The following SVIL variants were observed in gnomAD, a reference collection of about 807,000 sequenced individuals.
SVIL encodes supervillin.
SVIL carries 101 observed loss-of-function variants against 240.4 expected under a neutral mutation model. The observed-to-expected ratio is 0.42, with a 90% CI of 0.36 to 0.50. SVIL has a LOEUF of 0.50. Among genes scored for constraint, SVIL ranks in the 20% least tolerant of loss-of-function variants. The pLI is 0.01. For synonymous variants in SVIL, 999 were observed against 1,100.0 expected, an observed-to-expected ratio of 0.91 and a Z score of 1.82; for missense variants, 2,512 against 2,818.7, an observed-to-expected ratio of 0.89 and a Z score of 2.46.
chr10:29,637,088 T>C, upstream of SVIL, among the ~76,000 whole-genome samples: 1 of 152,136 alleles, frequency 6.6e-6, no homozygotes, highest in South Asian at 2.1e-4. Context: ...GGATTACAGG[T>C]GTGAGCCACC....
rs1414765083 is a variant in SVIL at position 29,484,170 on chromosome 10, C to T, written c.4955+486G>A. 6.6e-6 allele frequency among the ~76,000 whole-genome samples: 1 copy of T among 152,168 alleles called. No homozygotes were observed. Among genetic ancestry groups the T allele is most frequent in the South Asian group, 2.1e-4 (1 of 4,824 alleles). On this transcript the variant is annotated intron_variant, in intron 27 of 37. Coordinates refer to ENST00000355867, the MANE Select transcript of SVIL (RefSeq NM_021738.3). This position sits in a 1 kb window ranked among gnomAD's most constrained non-coding sequence, Gnocchi z 4.7. ...TTAACACCATCTCCTCCCCCTCTTC[C>T]CTTCCCAAAAGATATAAAGACATAA...
intron 17 of SVIL, among the ~76,000 whole-genome samples, chr10:29,506,329 C>T (rs887178329): frequency 7.9e-5 from 12 of 152,176 alleles, no homozygotes; most frequent in African/African-American, 2.9e-4. Flanking sequence ...TGGCTGGGTA[C>T]GTGGGGCCTG....
chr10:29,475,748 G>A (rs10826631), intron 29 of SVIL, among the ~76,000 whole-genome samples: 30,406 of 152,000 alleles, frequency 0.2, 3,610 homozygotes, highest in East Asian at 0.54. Flanking sequence ...AACACGGGAG[G>A]CTGCAGCAGT....
chr10:29,546,265 C>T (rs1952675890), intron 6 of SVIL, among the ~76,000 whole-genome samples: 1 of 152,128 alleles, frequency 6.6e-6, no homozygotes, highest in Non-Finnish European at 1.5e-5. Flanking sequence ...GCAAATAATA[C>T]CATTTCTGAA....
chr10:29,523,714 C>T lies in SVIL; in HGVS notation c.2900G>A (p.Gly967Glu). The change falls in exon 15 of 38, where the codon GGG becomes GAG. Residue 967 changes from glycine to glutamate, a missense_variant. By Grantham distance (98) the Gly-to-Glu change is moderately conservative. Transcript: ENST00000355867. Reference protein sequence around the residue: ...TGRDSGMEKYGSFEEAEASYP... With the variant: ...TGRDSGMEKYESFEEAEASYP... ...GGATGCTTCTGCTTCCTCAAAGGACCCATACTTCTCCATCCCACTGTCTCG... is the reference window on the plus strand; with the variant it reads ...GGATGCTTCTGCTTCCTCAAAGGACTCATACTTCTCCATCCCACTGTCTCG... 6.2e-7 allele frequency: 1 copy of T among 1,614,182 alleles called. No homozygotes were observed. The highest frequency in any genetic ancestry group is 8.5e-7 in the Non-Finnish European group (1 of 1,180,034).
chr10:29,540,959 T>C (rs1952105398), intron 6 of SVIL, among the ~76,000 whole-genome samples: 1 of 152,220 alleles, frequency 6.6e-6, no homozygotes, highest in African/African-American at 2.4e-5. Flanking sequence ...GATGCTCAAC[T>C]GAGATTTTAA....
chr10:29,552,061 C>T (rs1010243310), intron 5 of SVIL, among the ~76,000 whole-genome samples: 2 of 151,764 alleles, frequency 1.3e-5, no homozygotes, highest in Non-Finnish European at 1.5e-5. Flanking sequence ...CTGCAGTAAG[C>T]TATGATCGAT....
rs1046721883 is a variant in SVIL at position 29,533,377 on chromosome 10, C to A, written c.990G>T (p.Arg330Ser). 2 of 1,614,066 alleles carry A rather than the reference C, an allele frequency of 1.2e-6. No homozygotes were observed. The highest frequency in any genetic ancestry group is 2.7e-5 in the African/African-American group (2 of 74,920). Residue 330 changes from arginine to serine, a missense_variant, in exon 8 of 38, where the codon AGG becomes AGT. Around this residue, in one of 3 missense-constraint regions of SVIL, gnomAD observed 1,443 missense variants for 1,486.6 expected, o/e 0.97. Coordinates refer to ENST00000355867, the MANE Select transcript of SVIL (RefSeq NM_021738.3). ...AATGGACTGGCGCTGGCTGGTGTCT[C>A]CTCTGAGTTACGGACTCTGAGGCGA... ...PELASESVTQ[R>S]RHQPAPVHYV...
chr10:29,608,543 C>G (rs1411056163), intron 1 of SVIL, among the ~76,000 whole-genome samples: 1 of 152,248 alleles, frequency 6.6e-6, no homozygotes, highest in Non-Finnish European at 1.5e-5. Context: ...GCCTGGGAAG[C>G]CTCCTATTCC....
chr10:29,479,621 G>T (rs1026389575), intron 29 of SVIL, among the ~76,000 whole-genome samples: 1 of 152,230 alleles, frequency 6.6e-6, no homozygotes, highest in Non-Finnish European at 1.5e-5. Flanking sequence ...GTCTTCCGTA[G>T]AGTAGGTGCT....
chr10:29,516,284 A>G (rs1433940210), intron 16 of SVIL, among the ~76,000 whole-genome samples: 1 of 152,220 alleles, frequency 6.6e-6, no homozygotes, highest in African/African-American at 2.4e-5. Flanking sequence ...AGTAACCAGA[A>G]TAATCTGGAA....
chr10:29,532,277 C>T, intron 8 of SVIL, 105 bp from the exon 9 acceptor site: 3 of 1,366,340 alleles, frequency 2.2e-6, no homozygotes, highest in Non-Finnish European at 3.0e-6. Flanking sequence ...ACAGACACCA[C>T]CAAACCCCTC....
At position 29,508,333 on chromosome 10, in the gene SVIL, C is replaced by G. The variant is rs1469280585; in HGVS notation, c.3516+4402G>C. On this transcript the variant is annotated intron_variant, in intron 17 of 37. Coordinates refer to ENST00000355867, the MANE Select transcript of SVIL (RefSeq NM_021738.3). ...ATCGAGAGGACACCTGTGTTAGAGTCAGGCTTACCCAAAGCAGATTAGAAA... is the reference window on the plus strand; with the variant it reads ...ATCGAGAGGACACCTGTGTTAGAGTGAGGCTTACCCAAAGCAGATTAGAAA... 4 of 1,288,060 alleles carry G rather than the reference C, an allele frequency of 3.1e-6. No individual in the cohort carries two copies. The East Asian group carries it at 2.2e-4, about 72-fold the overall frequency. 79.8% of individuals were successfully genotyped at this position (1,288,060 alleles called of 1,614,324 possible).
intron 1 of SVIL, among the ~76,000 whole-genome samples, chr10:29,590,878 G>GA (rs1956364719): frequency 1.3e-5 from 2 of 152,162 alleles, no homozygotes; most frequent in Non-Finnish European, 2.9e-5. Context: ...TGGCAGAAAA[G>GA]AATCAATGCA....
chr10:29,565,291 T>C (rs1954878036), intron 2 of SVIL, among the ~76,000 whole-genome samples: 1 of 152,184 alleles, frequency 6.6e-6, no homozygotes, highest in South Asian at 2.1e-4. Flanking sequence ...AGAGTGAGCT[T>C]TACGAGTCAT....
At chr10:29,541,192 T>C (rs927294695) in intron 6 of SVIL, among the ~76,000 whole-genome samples, 2 of 152,266 alleles carry the variant, frequency 1.3e-5, no homozygotes, top group African/African-American at 4.8e-5. Context: ...CGCTTAATTA[T>C]TTTTGATAAA....
At chr10:29,671,486 AC>A (rs1564750557) in intron 2 of SVIL, among the ~76,000 whole-genome samples, 1 of 152,222 alleles carries the variant, frequency 6.6e-6, no homozygotes, top group Non-Finnish European at 1.5e-5. Context: ...GACTTTTCCC[AC>A]AGTATCAACT....
chr10:29,586,372 C>A (rs1028547304), intron 1 of SVIL, among the ~76,000 whole-genome samples: 1 of 152,040 alleles, frequency 6.6e-6, no homozygotes, highest in African/African-American at 2.4e-5. Context: ...GTATAGTGAT[C>A]ACAGATTCAC....
In SVIL at chr10:29,603,520, C is replaced by G. The variant is rs551548882; in HGVS notation, c.-201+30900G>C. Among the ~76,000 whole-genome samples the G allele has an allele frequency of 1.3e-3, 160 of 123,942 alleles. 1 individual carries two copies. Among genetic ancestry groups the G allele is most frequent in the Non-Finnish European group, 1.3e-3 (70 of 52,638 alleles). 81.3% of individuals were successfully genotyped at this position (123,942 alleles called of 152,430 possible). ...CAACCACAGTGAAACAGCTCTGGCT[C>G]CCAAGAATTATAATTTATGGCCAGA... On this transcript the variant is annotated intron_variant, in intron 1 of 37. Coordinates refer to ENST00000355867, the MANE Select transcript of SVIL (RefSeq NM_021738.3).
Sources: allele counts gnomAD v4.1 joint callset (sites outside exome capture counted in the v4.1 genomes callset), GRCh38; gene constraint gnomAD v4.1.1; regional missense constraint gnomAD v4.1.1; non-coding constraint Gnocchi (gnomAD v3.1); transcripts MANE v1.5; gene names NCBI Gene and HGNC (gene_info 2026-07-23, HGNC 2026-07-21).